The following PKHD1 variants were observed in gnomAD, a reference collection of about 807,000 sequenced individuals.
PKHD1 encodes the protein PKHD1 ciliary IPT domain containing fibrocystin/polyductin, also known as fibrocystin.
PKHD1 carries 291 observed loss-of-function variants against 412.0 expected under a neutral mutation model. The ratio of observed to expected loss-of-function variants is 0.71; its 90% confidence interval spans 0.64 to 0.78. PKHD1 has a LOEUF of 0.78. PKHD1 is among the 30% of genes least tolerant of loss of function. PKHD1 has a pLI of 0.00. For missense variants in PKHD1, 4,825 were observed against 4,950.7 expected (o/e 0.97, Z 0.76); for synonymous variants, 1,777 against 1,821.5 (o/e 0.98, Z 0.62).
intron 36 of PKHD1, among the ~76,000 whole-genome samples, chr6:51,946,568 A>G (rs1423347076): frequency 6.6e-6 from 1 of 152,194 alleles, no homozygotes; most frequent in Admixed American, 6.5e-5. Flanking sequence ...TTTATTCCAT[A>G]CTTTATAGAG....
intron 63 of PKHD1, among the ~76,000 whole-genome samples, chr6:51,642,023 A>G (rs1769430802): frequency 6.6e-6 from 1 of 152,214 alleles, no homozygotes; most frequent in African/African-American, 2.4e-5. Context: ...CTGCACATGT[A>G]TCCCAGAACT....
chr6:52,050,021 C>T, intron 22 of PKHD1, 136 bp downstream of exon 22: 1 of 807,088 alleles, frequency 1.2e-6, no homozygotes, highest in Non-Finnish European at 2.1e-6. Context: ...GAATCTGGTG[C>T]TGCATTCTCA....
intron 49 of PKHD1, among the ~76,000 whole-genome samples, chr6:51,851,883 GT>G: frequency 6.6e-6 from 1 of 151,962 alleles, no homozygotes; most frequent in Admixed American, 6.6e-5. Flanking sequence ...TTTTTGGAGG[GT>G]TTTTTGTGTC....
intron 35 of PKHD1, among the ~76,000 whole-genome samples, chr6:51,991,354 C>A (rs545198432): frequency 5.3e-5 from 8 of 152,260 alleles, no homozygotes; most frequent in African/African-American, 1.9e-4. Context: ...ATGCCTCACG[C>A]CTTCTAGAAA....
intron 52 of PKHD1, among the ~76,000 whole-genome samples, chr6:51,826,120 T>C (rs781587526): frequency 1.3e-5 from 2 of 152,192 alleles, no homozygotes; most frequent in Non-Finnish European, 2.9e-5. Flanking sequence ...TACTTTCTGA[T>C]TTATGATCAT....
chr6:51,858,476 A>C (rs543855173), intron 48 of PKHD1, among the ~76,000 whole-genome samples: 1 of 152,244 alleles, frequency 6.6e-6, no homozygotes, highest in East Asian at 1.9e-4. Context: ...AATTGGCTAC[A>C]GTAGGTACTG....
At chr6:51,947,913 G>T (rs1266909) in intron 36 of PKHD1, among the ~76,000 whole-genome samples, 45,197 of 151,732 alleles carry the variant, frequency 0.3, 7,060 homozygotes, top group African/African-American at 0.33. Flanking sequence ...TCCTTGTCTT[G>T]CCCCACAGAT....
At chr6:51,807,485 A>ATGTG (rs567506746) in intron 52 of PKHD1, among the ~76,000 whole-genome samples, 10,321 of 111,106 alleles carry the variant, frequency 0.093, 758 homozygotes, top group Middle Eastern at 0.14. Flanking sequence ...ATATATGTAT[A>ATGTG]TGTGTGTGTG....
At chr6:51,766,084 A>G (rs1788945683) in intron 55 of PKHD1, among the ~76,000 whole-genome samples, 1 of 152,114 alleles carries the variant, frequency 6.6e-6, no homozygotes, top group South Asian at 2.1e-4. Flanking sequence ...TTACTATTTG[A>G]TTAACGTTTG....
rs186974442 is a variant in PKHD1, at chr6:52,016,872, G to A, written c.5600+538C>T. 5.8e-4 allele frequency among the ~76,000 whole-genome samples: 88 copies of A among 152,208 alleles called. 1 individual carries two copies. The highest frequency in any genetic ancestry group is 2.0e-3 in the African/African-American group (83 of 41,540). ...AGGGGGGTTAACTTGGAAAGTTGTG[G>A]TGTTTATTTGTCAGCCTCTTTTTTA... On this transcript the variant is annotated intron_variant, in intron 34 of 66. Coordinates refer to ENST00000371117, the MANE Select transcript of PKHD1 (RefSeq NM_138694.4).
Position 51,869,159 on chromosome 6 carries a change from C to T in PKHD1, c.7487-1050G>A, listed in dbSNP as rs546611460. On this transcript the variant is annotated intron_variant, in intron 47 of 66. Transcript: ENST00000371117. ...TGCAACTTCTGTATTTCATTTGATA[C>T]CACAAACCACCTGCAGCTCTACATT... is the stretch of plus-strand genomic sequence containing the variant. 6.6e-5 allele frequency among the ~76,000 whole-genome samples: 10 copies of T among 152,182 alleles called. No individual in the cohort carries two copies. In the South Asian group the frequency reaches 1.7e-3, roughly 25 times the overall value.
rs1466513302 is a variant in PKHD1 at position 51,619,526 on chromosome 6, G to A, written c.11786-6C>T. 4.3e-6 allele frequency: 7 copies of A among 1,612,106 alleles called. No individual in the cohort carries two copies. The South Asian group carries it at 6.6e-5, about 15-fold the overall frequency. On this transcript the variant is annotated splice_polypyrimidine_tract_variant and splice_region_variant and intron_variant, in intron 66 of 66. Transcript: ENST00000371117. ...CATGACCTTCATTCTCATATCTGGG[G>A]GGAAAAGAAATAGGGGAAGAAATGG...
intron 43 of PKHD1, among the ~76,000 whole-genome samples, chr6:51,891,547 G>A (rs149073339): frequency 0.013 from 2,051 of 152,204 alleles, 24 homozygotes; most frequent in Admixed American, 0.022. Flanking sequence ...CCAAAGTGCT[G>A]GGATTATAGG....
intron 21 of PKHD1, 56 bp from the exon 22 acceptor site, chr6:52,050,351 G>T (rs1447685369): frequency 3.2e-6 from 5 of 1,579,574 alleles, no homozygotes; most frequent in Non-Finnish European, 4.4e-6. Context: ...GACTTGCTGT[G>T]TGGAAAATCC....
Position 51,748,196 on chromosome 6 carries a change from G to A in PKHD1, c.9420C>T (p.Asn3140=), listed in dbSNP as rs758547268. 3 of 1,614,086 alleles carry A rather than the reference G, an allele frequency of 1.9e-6. No individual in the cohort carries two copies. In the South Asian group the frequency reaches 3.3e-5, roughly 18 times the overall value. ...LHLYKESGLD[N]CTRISGFLAF... Reference sequence around the variant, plus strand: ...CCAAGAAGCCAGAGATTCTGGTACAGTTGTCAAGTCCACTTTCCTTATAGA... The same window carrying A: ...CCAAGAAGCCAGAGATTCTGGTACAATTGTCAAGTCCACTTTCCTTATAGA... The change falls in exon 58 of 67, where the codon AAC becomes AAT. Residue 3140 remains asparagine, a synonymous_variant. Coordinates refer to ENST00000371117, the MANE Select transcript of PKHD1 (RefSeq NM_138694.4).
intron 35 of PKHD1, among the ~76,000 whole-genome samples, chr6:52,005,513 G>A (rs1238077137): frequency 6.6e-6 from 1 of 152,248 alleles, no homozygotes; most frequent in African/African-American, 2.4e-5. Flanking sequence ...CCTTTCCTCT[G>A]CATGCTGAAT....
intron 4 of PKHD1, among the ~76,000 whole-genome samples, chr6:52,082,101 T>G (rs1193890656): frequency 1.3e-5 from 2 of 152,188 alleles, no homozygotes; most frequent in Non-Finnish European, 1.5e-5. Flanking sequence ...ATGGTACCAT[T>G]TATTAAAATC....
chr6:51,721,957 C>G, intron 60 of PKHD1: 1 of 1,613,390 alleles, frequency 6.2e-7, no homozygotes, highest in Non-Finnish European at 8.5e-7. Context: ...ATTAATCTTT[C>G]AAAGTTCAGC....
intron 60 of PKHD1, among the ~76,000 whole-genome samples, chr6:51,698,709 T>C (rs1394686488): frequency 6.6e-6 from 1 of 152,214 alleles, no homozygotes. Context: ...TGTATGTCGC[T>C]TAAAGCAAGT....
Sources: allele counts gnomAD v4.1 joint callset (sites outside exome capture counted in the v4.1 genomes callset), GRCh38; gene constraint gnomAD v4.1.1; transcripts MANE v1.5; gene names NCBI Gene and HGNC (gene_info 2026-07-23, HGNC 2026-07-21).